Variants in LRRTM3 observed in about 807,000 individuals in gnomAD.
LRRTM3 encodes leucine-rich repeat transmembrane neuronal protein 3.
A neutral mutation model predicts 44.7 loss-of-function variants in LRRTM3; 24 were observed. The observed-to-expected ratio is 0.54, with a 90% CI of 0.39 to 0.76. The LOEUF (loss-of-function observed/expected upper bound fraction) is 0.76. Among genes scored for constraint, LRRTM3 ranks in the 30% least tolerant of loss-of-function variants. LRRTM3 has a pLI of 0.00. For missense variants in LRRTM3, 587 were observed against 702.2 expected, an observed-to-expected ratio of 0.84 and a Z score of 1.85; for synonymous variants, 277 against 278.7, an observed-to-expected ratio of 0.99 and a Z score of 0.06.
At chr10:67,073,218 C>T (rs536779714) in intron 2 of LRRTM3, among the ~76,000 whole-genome samples, 1 of 152,260 alleles carries the variant, frequency 6.6e-6, no homozygotes, top group South Asian at 2.1e-4. Context: ...AAAACTGGTC[C>T]TATGACCTAC....
intron 2 of LRRTM3, among the ~76,000 whole-genome samples, chr10:66,962,512 C>T (rs1221223112): frequency 1.3e-5 from 2 of 151,754 alleles, no homozygotes; most frequent in Non-Finnish European, 2.9e-5. Flanking sequence ...CGGGTTCAAG[C>T]GATTCTCCTG....
In LRRTM3 at chr10:67,033,109, T is replaced by C. The variant is rs77129504; in HGVS notation, c.1537-64478T>C. Among the ~76,000 whole-genome samples, 1,544 of 152,344 alleles carry C rather than the reference T, an allele frequency of 0.01. 62 individuals carry two copies. In the East Asian group the frequency reaches 0.14, roughly 14 times the overall value. On this transcript the variant is annotated intron_variant, in intron 2 of 2. Coordinates refer to ENST00000361320, the MANE Select transcript of LRRTM3 (RefSeq NM_178011.5). The stretch of plus-strand genomic sequence containing the variant: ...ACTCGAAATTCTTAAAAGAACTATT[T>C]TAACAAAAATAAATTGAAGGAAACC...
At chr10:66,938,565 T>C (rs1427481281) in intron 2 of LRRTM3, among the ~76,000 whole-genome samples, 2 of 152,142 alleles carry the variant, frequency 1.3e-5, no homozygotes, top group Non-Finnish European at 2.9e-5. Context: ...GAGGAGGAGA[T>C]AGAGAAGCGA....
chr10:67,098,699 A>C lies in LRRTM3; in HGVS notation c.*903A>C, dbSNP rs1244708497. On this transcript the variant is annotated 3_prime_UTR_variant, in exon 3 of 3. Coordinates refer to ENST00000361320, the MANE Select transcript of LRRTM3 (RefSeq NM_178011.5). ...ACCACAGCAACAGACTTTGTGATAC[A>C]GTTAAAAGGTGCAGCTGCCAGTGAC... The C allele has an allele frequency of 2.0e-5, 3 of 152,364 alleles. No homozygotes were observed. Among genetic ancestry groups the C allele is most frequent in the Admixed American group, 6.6e-5 (1 of 15,200 alleles). The allele number at this position is 152,364 out of a possible 1,614,324, so 9.4% of individuals were successfully genotyped here. A position where few individuals can be genotyped will look rare whatever the true frequency, so the allele number is the denominator to read the frequency against.
chr10:67,027,466 G>A (rs1589626050), intron 2 of LRRTM3, among the ~76,000 whole-genome samples: 4 of 126,176 alleles, frequency 3.2e-5, no homozygotes, highest in Non-Finnish European at 4.7e-5. Context: ...ACACAGTCTC[G>A]CTCTGTCACC....
At chr10:67,079,858 AACACACACACACACACAC>A (rs199928311) in intron 2 of LRRTM3, among the ~76,000 whole-genome samples, 9,098 of 141,328 alleles carry the variant, frequency 0.064, 365 homozygotes, top group South Asian at 0.14. Flanking sequence ...AAAAAAACAA[AACACACACACACACACAC>A]ACACACACAC....
At chr10:67,007,340 T>C (rs759578310) in intron 2 of LRRTM3, among the ~76,000 whole-genome samples, 5 of 152,306 alleles carry the variant, frequency 3.3e-5, no homozygotes, top group Admixed American at 6.5e-5. Context: ...TAGCTAACTT[T>C]AAAATAATTT....
At chr10:67,032,694 C>T (rs1177791092) in intron 2 of LRRTM3, among the ~76,000 whole-genome samples, 1 of 152,154 alleles carries the variant, frequency 6.6e-6, no homozygotes, top group African/African-American at 2.4e-5. Flanking sequence ...ATGTTTAAGG[C>T]TTCTAGCTTC....
intron 2 of LRRTM3, among the ~76,000 whole-genome samples, chr10:66,986,359 T>C (rs1850727122): frequency 6.6e-6 from 1 of 152,024 alleles, no homozygotes; most frequent in Non-Finnish European, 1.5e-5. Flanking sequence ...TAGCCAGGCA[T>C]GGTGGCACAT....
intron 2 of LRRTM3, among the ~76,000 whole-genome samples, chr10:67,063,848 A>G (rs1324567641): frequency 6.6e-6 from 1 of 152,206 alleles, no homozygotes; most frequent in East Asian, 1.9e-4. Flanking sequence ...AGAAAATTCT[A>G]AAAGGATGAT....
chr10:66,979,758 C>T (rs1370247166), intron 2 of LRRTM3, among the ~76,000 whole-genome samples: 4 of 152,108 alleles, frequency 2.6e-5, no homozygotes, highest in African/African-American at 9.7e-5. Flanking sequence ...TTATCACTAT[C>T]ATAATAGAAC....
intron 2 of LRRTM3, among the ~76,000 whole-genome samples, chr10:67,065,876 A>G (rs1856040034): frequency 6.6e-6 from 1 of 152,126 alleles, no homozygotes; most frequent in African/African-American, 2.4e-5. Flanking sequence ...ACCTCAACTA[A>G]AAGAGGGATA....
At chr10:66,941,397 G>A (rs1342809542) in intron 2 of LRRTM3, among the ~76,000 whole-genome samples, 5 of 152,180 alleles carry the variant, frequency 3.3e-5, no homozygotes, top group Admixed American at 3.3e-4. Flanking sequence ...TTTGCAACTA[G>A]GCACTGCCAG....
At chr10:67,083,408 A>G (rs1857145539) in intron 2 of LRRTM3, among the ~76,000 whole-genome samples, 1 of 152,144 alleles carries the variant, frequency 6.6e-6, no homozygotes, top group Non-Finnish European at 1.5e-5. Flanking sequence ...GCAAAAAAAA[A>G]AAGTATAGTC....
At chr10:66,926,666 T>C (rs1564771362) in intron 1 of LRRTM3, 79 bp downstream of exon 1, 1 of 1,496,794 alleles carries the variant, frequency 6.7e-7, no homozygotes, top group Non-Finnish European at 9.3e-7. Flanking sequence ...AATTCTGCCT[T>C]AATTATTTTA....
chr10:66,926,663 C>T, intron 1 of LRRTM3, 76 bp downstream of exon 1: 2 of 1,509,658 alleles, frequency 1.3e-6, no homozygotes, highest in Non-Finnish European at 1.8e-6. Context: ...AATAATTCTG[C>T]CTTAATTATT....
At chr10:66,949,039 G>A (rs981728555) in intron 2 of LRRTM3, among the ~76,000 whole-genome samples, 5 of 152,058 alleles carry the variant, frequency 3.3e-5, no homozygotes, top group African/African-American at 1.2e-4. Context: ...ATGTAATCTT[G>A]CAAACAAATA....
In LRRTM3 at chr10:67,074,607, C is replaced by T. The variant is rs577401150; in HGVS notation, c.1537-22980C>T. ...CCTTGTAATCCACCCACCTCGGGTT[C>T]CCAAAGTGCTGGGATTACAGGCGTG... is the stretch of plus-strand genomic sequence containing the variant. On this transcript the variant is annotated intron_variant, in intron 2 of 2. Coordinates refer to ENST00000361320, the MANE Select transcript of LRRTM3 (RefSeq NM_178011.5). Among the ~76,000 whole-genome samples, 71 of 152,228 alleles carry T rather than the reference C, an allele frequency of 4.7e-4. 1 individual carries two copies. The highest frequency in any genetic ancestry group is 1.6e-3 in the African/African-American group (66 of 41,552).
chr10:67,061,751 T>C (rs1855768147), intron 2 of LRRTM3, among the ~76,000 whole-genome samples: 1 of 152,190 alleles, frequency 6.6e-6, no homozygotes, highest in Non-Finnish European at 1.5e-5. Context: ...TGTTTCTAAA[T>C]AGTTGATGCA....
Sources: allele counts gnomAD v4.1 joint callset (sites outside exome capture counted in the v4.1 genomes callset), GRCh38; gene constraint gnomAD v4.1.1; transcripts MANE v1.5; gene names NCBI Gene and HGNC (gene_info 2026-07-23, HGNC 2026-07-21).